DGKB: variants seen among roughly 807,000 people sequenced by gnomAD.
The protein encoded by DGKB is 90 kDa diacylglycerol kinase.
Under a neutral mutation model 114.3 loss-of-function variants are expected in DGKB, and 67 were observed. That is an observed-to-expected ratio of 0.59 (90% confidence interval 0.48 to 0.72). The LOEUF is 0.72. Ranked by LOEUF, DGKB falls within the 30% of genes least tolerant of loss-of-function variation. DGKB has a pLI of 0.00. For missense variants in DGKB, 907 were observed against 975.2 expected (o/e 0.93, Z 0.93); for synonymous variants, 398 against 323.1 (o/e 1.23, Z -2.49).
At chr7:14,244,778 C>T (rs991529336) in intron 23 of DGKB, among the ~76,000 whole-genome samples, 1 of 151,636 alleles carries the variant, frequency 6.6e-6, no homozygotes, top group African/African-American at 2.4e-5. Flanking sequence ...TTCCTTGGCC[C>T]TCTCACATGT....
In DGKB at chr7:14,943,764, AATAAC is replaced by A. The variant is rs1255081872; in HGVS notation, c.-188+30927_-188+30931del. On this transcript the variant is annotated intron_variant, in intron 1 of 4. Coordinates refer to the DGKB transcript ENST00000437998. ...CAAACACAGCTATCATTAAAATTAA[AATAAC>A]ATATTAGTTATATTAAAAATAAAAT... Among the ~76,000 whole-genome samples the A allele has an allele frequency of 5.3e-5, 8 of 151,966 alleles. No homozygotes were observed. In the East Asian group the frequency reaches 7.7e-4, roughly 15 times the overall value.
chr7:14,601,336 G>A (rs959230663), intron 17 of DGKB, among the ~76,000 whole-genome samples: 2 of 152,076 alleles, frequency 1.3e-5, no homozygotes, highest in Non-Finnish European at 2.9e-5. Context: ...CCCTGACACT[G>A]TGGGCCTGTG....
At chr7:14,474,482 T>C (rs929528930) in intron 21 of DGKB, among the ~76,000 whole-genome samples, 12 of 152,228 alleles carry the variant, frequency 7.9e-5, no homozygotes, top group African/African-American at 2.7e-4. Context: ...TTCCTATAAC[T>C]GGTTCCATTT....
intron 4 of DGKB, among the ~76,000 whole-genome samples, chr7:14,745,932 C>T (rs769678181): frequency 1.5e-4 from 23 of 152,312 alleles, no homozygotes; most frequent in South Asian, 6.2e-4. Flanking sequence ...CTTTTTTCAG[C>T]ATGCAGGAAA....
intron 23 of DGKB, among the ~76,000 whole-genome samples, chr7:14,260,114 A>ATG (rs1491071615): frequency 0.036 from 181 of 5,098 alleles, 1 homozygote; most frequent in South Asian, 0.3. Flanking sequence ...ACATGAACAC[A>ATG]CACACACACA....
chr7:14,610,855 T>C (rs529508092), intron 16 of DGKB, among the ~76,000 whole-genome samples: 1 of 152,246 alleles, frequency 6.6e-6, no homozygotes, highest in Non-Finnish European at 1.5e-5. Flanking sequence ...TCACCAGCTT[T>C]ATAAATTTCT....
intron 4 of DGKB, among the ~76,000 whole-genome samples, chr7:14,737,294 T>A (rs1191430644): frequency 1.4e-5 from 2 of 146,522 alleles, no homozygotes; most frequent in East Asian, 4.0e-4. Context: ...TTTTTTTTTT[T>A]TTTTTTTTTT....
intron 23 of DGKB, among the ~76,000 whole-genome samples, chr7:14,236,780 C>T (rs1792853885): frequency 6.6e-6 from 1 of 152,036 alleles, no homozygotes; most frequent in African/African-American, 2.4e-5. Flanking sequence ...TTTTAATTCT[C>T]ACACCAGCAC....
intron 2 of DGKB, among the ~76,000 whole-genome samples, chr7:14,760,201 T>A (rs1279060539): frequency 6.6e-5 from 10 of 152,162 alleles, no homozygotes; most frequent in African/African-American, 2.4e-4. Context: ...TTTTGGTGTA[T>A]AATTTGCTGG....
intron 14 of DGKB, among the ~76,000 whole-genome samples, chr7:14,629,859 A>G (rs1809360624): frequency 6.6e-6 from 1 of 152,088 alleles, no homozygotes. Context: ...TTATATTTTG[A>G]TGGCTCAAAG....
rs1266796096 is a variant in DGKB, at chr7:14,281,659, A to G, written c.2122+56856T>C. Among the ~76,000 whole-genome samples, 23 of 151,034 alleles carry G rather than the reference A, an allele frequency of 1.5e-4. No homozygotes were observed. The East Asian group carries it at 3.2e-3, about 21-fold the overall frequency. On this transcript the variant is annotated intron_variant, in intron 23 of 25. Coordinates refer to ENST00000402815, the MANE Select transcript of DGKB (RefSeq NM_001350709.2). Reference sequence around the variant, plus strand: ...AAAAGAACAGAAATTATAACAAACTATCTCTCAGACCACAGTGCAATCAAA... The same window carrying G: ...AAAAGAACAGAAATTATAACAAACTGTCTCTCAGACCACAGTGCAATCAAA...
At chr7:14,700,739 C>T (rs140066477) in intron 7 of DGKB, among the ~76,000 whole-genome samples, 18 of 152,120 alleles carry the variant, frequency 1.2e-4, no homozygotes, top group South Asian at 1.0e-3. Flanking sequence ...TATCAGATGA[C>T]GAGAAAAACT....
At chr7:14,595,076 G>C (rs980462457) in intron 17 of DGKB, among the ~76,000 whole-genome samples, 2 of 152,058 alleles carry the variant, frequency 1.3e-5, no homozygotes, top group African/African-American at 4.8e-5. Flanking sequence ...GACTAGGTAG[G>C]GATGAGGGGT....
chr7:14,812,928 A>C (rs1392037465), intron 2 of DGKB, among the ~76,000 whole-genome samples: 1 of 152,084 alleles, frequency 6.6e-6, no homozygotes, highest in Non-Finnish European at 1.5e-5. Context: ...TCCACAACTC[A>C]CTTTCCATTG....
At chr7:14,644,432 A>C (rs116239853) in intron 13 of DGKB, among the ~76,000 whole-genome samples, 4,791 of 152,306 alleles carry the variant, frequency 0.031, 265 homozygotes, top group African/African-American at 0.11. Context: ...TCTTTCAAAA[A>C]TTCAGTGAAA....
chr7:14,227,567 A>G (rs1038891772), intron 23 of DGKB, among the ~76,000 whole-genome samples: 1 of 152,048 alleles, frequency 6.6e-6, no homozygotes, highest in Non-Finnish European at 1.5e-5. Context: ...ATATGGCTTT[A>G]TCTTGACAAA....
chr7:14,276,727 T>C (rs1018722076), intron 23 of DGKB, among the ~76,000 whole-genome samples: 1 of 152,016 alleles, frequency 6.6e-6, no homozygotes, highest in Non-Finnish European at 1.5e-5. Flanking sequence ...TTTGCTAAGA[T>C]ATTTTATATG....
chr7:14,362,431 C>A (rs111329382), intron 21 of DGKB, among the ~76,000 whole-genome samples: 2,293 of 152,122 alleles, frequency 0.015, 52 homozygotes, highest in African/African-American at 0.051. Context: ...CTCATTAATT[C>A]ATTCATTCAA....
At chr7:14,418,151 TTA>T (rs1485203640) in intron 21 of DGKB, among the ~76,000 whole-genome samples, 1 of 145,450 alleles carries the variant, frequency 6.9e-6, no homozygotes, top group African/African-American at 2.5e-5. Flanking sequence ...ATATATAAAT[TTA>T]TATTTTTATA....
Sources: allele counts gnomAD v4.1 joint callset (sites outside exome capture counted in the v4.1 genomes callset), GRCh38; gene constraint gnomAD v4.1.1; transcripts MANE v1.5; gene names NCBI Gene and HGNC (gene_info 2026-07-23, HGNC 2026-07-21).